The following ADAMTS19 variants were observed in gnomAD, a reference collection of about 807,000 sequenced individuals.
The protein encoded by ADAMTS19 is A disintegrin and metalloproteinase with thrombospondin motifs 19.
A neutral mutation model predicts 153.3 loss-of-function variants in ADAMTS19; 93 were observed. The ratio of observed to expected loss-of-function variants is 0.61; its 90% CI spans 0.51 to 0.72. The LOEUF (loss-of-function observed/expected upper bound fraction) is 0.72, where lower values mean the gene tolerates loss of function less well. Ranked by LOEUF, ADAMTS19 falls within the 30% of genes least tolerant of loss-of-function variation. The probability of loss-of-function intolerance (pLI) is 0.00; values close to 1 mark genes in which losing one functional copy is unlikely to be tolerated. For missense variants in ADAMTS19, 1,482 were observed against 1,552.1 expected (o/e 0.95, Z 0.76); for synonymous variants, 600 against 556.6 (o/e 1.08, Z -1.10).
chr5:129,478,024 G>A (rs986384543), intron 2 of ADAMTS19, among the ~76,000 whole-genome samples: 11 of 152,200 alleles, frequency 7.2e-5, no homozygotes, highest in Non-Finnish European at 1.3e-4. Flanking sequence ...AAGAGAAAGC[G>A]GAGAACCATC....
intron 16 of ADAMTS19, among the ~76,000 whole-genome samples, chr5:129,676,032 C>T (rs1754534968): frequency 6.6e-6 from 1 of 152,016 alleles, no homozygotes; most frequent in Non-Finnish European, 1.5e-5. Flanking sequence ...GAGACTCCAT[C>T]TCAGAAAAAA....
chr5:129,530,165 G>C (rs1006244304), intron 6 of ADAMTS19, among the ~76,000 whole-genome samples: 1 of 152,120 alleles, frequency 6.6e-6, no homozygotes, highest in African/African-American at 2.4e-5. Context: ...ACAATGTCCA[G>C]AGTATAATAA....
intron 16 of ADAMTS19, among the ~76,000 whole-genome samples, chr5:129,677,836 C>T (rs1332940985): frequency 6.6e-6 from 1 of 151,996 alleles, no homozygotes; most frequent in African/African-American, 2.4e-5. Flanking sequence ...CCCGCCAGAC[C>T]ACATCTGGTT....
At chr5:129,468,480 A>G (rs2126645744) in intron 2 of ADAMTS19, among the ~76,000 whole-genome samples, 1 of 152,024 alleles carries the variant, frequency 6.6e-6, no homozygotes, top group South Asian at 2.1e-4. Flanking sequence ...CAGCCTCCTA[A>G]GTAGCTGGGA....
chr5:129,537,714 G>C (rs900439755), intron 6 of ADAMTS19, among the ~76,000 whole-genome samples: 1 of 151,856 alleles, frequency 6.6e-6, no homozygotes, highest in African/African-American at 2.4e-5. Flanking sequence ...CTCATAGGTG[G>C]GAATTGAACA....
At chr5:129,646,088 C>CCT (rs1753054657) in intron 11 of ADAMTS19, among the ~76,000 whole-genome samples, 1 of 149,622 alleles carries the variant, frequency 6.7e-6, no homozygotes, top group African/African-American at 2.5e-5. Context: ...CGGGGTTTCA[C>CCT]TGTTTTAGCC....
intron 6 of ADAMTS19, among the ~76,000 whole-genome samples, chr5:129,541,083 C>A (rs1417963203): frequency 1.3e-5 from 2 of 151,900 alleles, no homozygotes; most frequent in African/African-American, 4.8e-5. Flanking sequence ...TAAGAATTAT[C>A]ATCTGATCTT....
At chr5:129,591,204 C>T (rs1750115343) in intron 7 of ADAMTS19, among the ~76,000 whole-genome samples, 1 of 152,116 alleles carries the variant, frequency 6.6e-6, no homozygotes, top group Non-Finnish European at 1.5e-5. Flanking sequence ...TTTTCTCTAC[C>T]TTATTTCCCT....
chr5:129,531,322 T>C (rs928042088), intron 6 of ADAMTS19, among the ~76,000 whole-genome samples: 1 of 152,060 alleles, frequency 6.6e-6, no homozygotes, highest in Non-Finnish European at 1.5e-5. Flanking sequence ...AAAACAGTTT[T>C]GAAAAATAAG....
intron 8 of ADAMTS19, among the ~76,000 whole-genome samples, chr5:129,615,976 A>G (rs1751502548): frequency 6.6e-6 from 1 of 151,934 alleles, no homozygotes; most frequent in Admixed American, 6.6e-5. Flanking sequence ...GCATTGTTAG[A>G]TAAACCTGTA....
intron 8 of ADAMTS19, among the ~76,000 whole-genome samples, chr5:129,602,925 T>A (rs1246663034): frequency 6.6e-6 from 1 of 151,822 alleles, no homozygotes; most frequent in Non-Finnish European, 1.5e-5. Context: ...TTCTCTCCAC[T>A]AAGTTCGTAT....
intron 10 of ADAMTS19, among the ~76,000 whole-genome samples, chr5:129,625,605 A>AT (rs1266410007): frequency 6.6e-6 from 1 of 152,032 alleles, no homozygotes. Flanking sequence ...GATAATGAGC[A>AT]TTTTTTCATG....
At chr5:129,595,250 G>T (rs1262172644) in intron 7 of ADAMTS19, among the ~76,000 whole-genome samples, 2 of 152,012 alleles carry the variant, frequency 1.3e-5, no homozygotes, top group Non-Finnish European at 2.9e-5. Context: ...CAACCCTCCT[G>T]CATTGCTTTT....
At chr5:129,557,409 A>G (rs1753353240) in intron 7 of ADAMTS19, among the ~76,000 whole-genome samples, 1 of 151,842 alleles carries the variant, frequency 6.6e-6, no homozygotes, top group Non-Finnish European at 1.5e-5. Flanking sequence ...ACAAGCCTGG[A>G]CAACATGGTG....
At chr5:129,608,116 G>GTATGTA (rs1751012839) in intron 8 of ADAMTS19, among the ~76,000 whole-genome samples, 1 of 47,928 alleles carries the variant, frequency 2.1e-5, no homozygotes, top group African/African-American at 5.4e-5. Context: ...GTGTGTGTGT[G>GTATGTA]TATATATATA....
At chr5:129,684,859 C>A (rs796205193) in intron 18 of ADAMTS19, among the ~76,000 whole-genome samples, 1 of 151,904 alleles carries the variant, frequency 6.6e-6, no homozygotes, top group Non-Finnish European at 1.5e-5. Context: ...TGGTGGCGGG[C>A]GCCTGTAGTC....
chr5:129,680,666 G>A (rs1486114877), intron 17 of ADAMTS19, among the ~76,000 whole-genome samples: 3 of 151,760 alleles, frequency 2.0e-5, no homozygotes, highest in Non-Finnish European at 2.9e-5. Flanking sequence ...GGAGGCTGAG[G>A]CAGGAGAATT....
At chr5:129,546,191 T>A (rs1451968694) in intron 6 of ADAMTS19, among the ~76,000 whole-genome samples, 4 of 137,410 alleles carry the variant, frequency 2.9e-5, no homozygotes, top group Admixed American at 7.6e-5. Context: ...AACAATGAGA[T>A]CACATGGACA....
intron 3 of ADAMTS19, among the ~76,000 whole-genome samples, chr5:129,515,565 T>G (rs1223025397): frequency 6.6e-6 from 1 of 151,992 alleles, no homozygotes; most frequent in Admixed American, 6.6e-5. Flanking sequence ...TAAATGGGGT[T>G]ATATTTTTAA....
Sources: gnomAD v4.1 joint callset for allele counts (sites outside exome capture counted in the v4.1 genomes callset) on GRCh38, gnomAD v4.1.1 for gene constraint, MANE v1.5 for transcripts, NCBI Gene and HGNC (gene_info 2026-07-23, HGNC 2026-07-21) for gene names.